The following ZFHX3 variants were observed in gnomAD, a reference collection of about 807,000 sequenced individuals.
ZFHX3 encodes the protein zinc finger homeobox 3.
A neutral mutation model predicts 279.1 loss-of-function variants in ZFHX3; 42 were observed. That is an observed-to-expected ratio of 0.15 (90% CI 0.12 to 0.19). The LOEUF (loss-of-function observed/expected upper bound fraction) is 0.19. Among genes scored for constraint, ZFHX3 ranks in the 10% least tolerant of loss-of-function variants. The pLI, the probability that ZFHX3 is intolerant of heterozygous loss-of-function variation, is 1.00. For missense variants in ZFHX3, 4,981 were observed against 4,754.0 expected (o/e 1.05, Z -1.40); for synonymous variants, 2,293 against 1,957.8 (o/e 1.17, Z -4.52).
At chr16:73,861,555 T>C (rs928294119) in intron 1 of ZFHX3, among the ~76,000 whole-genome samples, 1 of 152,184 alleles carries the variant, frequency 6.6e-6, no homozygotes, top group Non-Finnish European at 1.5e-5. Flanking sequence ...TTCTTGGCTC[T>C]GTTCACAATT....
intron 4 of ZFHX3, among the ~76,000 whole-genome samples, chr16:73,293,010 A>G (rs2014812894): frequency 6.6e-6 from 1 of 152,230 alleles, no homozygotes; most frequent in Admixed American, 6.5e-5. Flanking sequence ...TGGCCTCCAG[A>G]GAGAGCTTGT....
At chr16:73,718,477 A>C (rs1367102831) in intron 1 of ZFHX3, among the ~76,000 whole-genome samples, 1 of 152,202 alleles carries the variant, frequency 6.6e-6, no homozygotes, top group Non-Finnish European at 1.5e-5. Flanking sequence ...CCTGTTTGGC[A>C]GGGACATTTG....
At chr16:73,517,744 A>G (rs115163173) in intron 2 of ZFHX3, among the ~76,000 whole-genome samples, 1,985 of 152,310 alleles carry the variant, frequency 0.013, 44 homozygotes, top group African/African-American at 0.046. Context: ...TAAATTCCCA[A>G]TCACTTTAAT....
At chr16:73,008,483 A>G (rs528624247) in intron 1 of ZFHX3, among the ~76,000 whole-genome samples, 6 of 152,348 alleles carry the variant, frequency 3.9e-5, no homozygotes, top group South Asian at 2.1e-4. Flanking sequence ...AAAAGTGAAA[A>G]ATGACTCATA....
chr16:73,654,408 C>G (rs1340995820), intron 2 of ZFHX3, among the ~76,000 whole-genome samples: 1 of 151,990 alleles, frequency 6.6e-6, no homozygotes, highest in African/African-American at 2.4e-5. Flanking sequence ...CAAAACAATC[C>G]TATAAAAATT....
chr16:73,313,503 C>T (rs1050519353), intron 4 of ZFHX3, among the ~76,000 whole-genome samples: 1 of 152,184 alleles, frequency 6.6e-6, no homozygotes, highest in Non-Finnish European at 1.5e-5. Flanking sequence ...GGATGTCTCT[C>T]TTATTGTCCC....
chr16:73,395,575 G>A (rs6564156), intron 3 of ZFHX3, among the ~76,000 whole-genome samples: 98,712 of 151,622 alleles, frequency 0.65, 32,588 homozygotes, highest in Non-Finnish European at 0.72. Context: ...CCATTATCCT[G>A]TCCACAGCAT....
chr16:73,560,769 C>G (rs1567519089), intron 2 of ZFHX3, among the ~76,000 whole-genome samples: 1 of 152,198 alleles, frequency 6.6e-6, no homozygotes, highest in Non-Finnish European at 1.5e-5. Flanking sequence ...CAGCTGTGTT[C>G]TGGTTCAGAG....
In ZFHX3 at chr16:73,526,299, C is replaced by T. The variant is rs78740904; in HGVS notation, c.-1546-70041G>A. On this transcript the variant is annotated intron_variant, in intron 2 of 17. Coordinates refer to the ZFHX3 transcript ENST00000641206. ...TCGCTTGATTAACGAGTGACAGGCCCAATGAGGGCCAGTGCGCTCTAGCAA... is the reference window on the plus strand; with the variant it reads ...TCGCTTGATTAACGAGTGACAGGCCTAATGAGGGCCAGTGCGCTCTAGCAA... 4.5e-3 allele frequency among the ~76,000 whole-genome samples: 683 copies of T among 152,306 alleles called. 4 individuals are homozygous for T. Among genetic ancestry groups the T allele is most frequent in the African/African-American group, 0.015 (644 of 41,556 alleles).
At chr16:73,727,989 T>C (rs982566010) in intron 1 of ZFHX3, among the ~76,000 whole-genome samples, 1 of 147,978 alleles carries the variant, frequency 6.8e-6, no homozygotes, top group Admixed American at 6.8e-5. Context: ...ATTCAGCTCC[T>C]TGGTCCCTTT....
At chr16:72,837,165 T>C (rs140529417) in intron 4 of ZFHX3, among the ~76,000 whole-genome samples, 79 of 152,318 alleles carry the variant, frequency 5.2e-4, no homozygotes, top group African/African-American at 1.6e-3. Flanking sequence ...AGGGGCGCCA[T>C]TGCCTTCATC....
At chr16:73,046,499 C>T (rs893012097) in intron 1 of ZFHX3, among the ~76,000 whole-genome samples, 32 of 152,064 alleles carry the variant, frequency 2.1e-4, no homozygotes, top group Admixed American at 1.1e-3. Flanking sequence ...TTCAGGGTTT[C>T]CCTTGAAACC....
chr16:73,025,193 G>GA lies in ZFHX3; in HGVS notation c.-50+22558dup, dbSNP rs370215670. ...GAGAAGAAAATGTCATGTCAGCTATGAAAGTTAAACAGGAACGTTCCCCTC... is the reference window on the plus strand; with the variant it reads ...GAGAAGAAAATGTCATGTCAGCTATGAAAAGTTAAACAGGAACGTTCCCCTC... On this transcript the variant is annotated intron_variant, in intron 1 of 9. Transcript: ENST00000268489. Among the ~76,000 whole-genome samples, 422 of 152,266 alleles carry GA rather than the reference G, an allele frequency of 2.8e-3. 3 individuals carry two copies. Among genetic ancestry groups the GA allele is most frequent in the African/African-American group, 9.9e-3 (410 of 41,550 alleles).
At chr16:73,755,287 A>G (rs1437692387) in intron 1 of ZFHX3, among the ~76,000 whole-genome samples, 2 of 152,196 alleles carry the variant, frequency 1.3e-5, no homozygotes, top group Non-Finnish European at 2.9e-5. Context: ...TACGTTGGAT[A>G]TAACGACATA....
At chr16:73,610,516 G>T (rs908847162) in intron 2 of ZFHX3, among the ~76,000 whole-genome samples, 2 of 152,174 alleles carry the variant, frequency 1.3e-5, no homozygotes, top group Admixed American at 6.5e-5. Flanking sequence ...GCACTCCAAG[G>T]CACCTTTTTG....
chr16:73,359,658 G>C (rs1269654612), intron 3 of ZFHX3, among the ~76,000 whole-genome samples: 1 of 152,212 alleles, frequency 6.6e-6, no homozygotes, highest in Non-Finnish European at 1.5e-5. Flanking sequence ...TGCCGGACCA[G>C]CTGTGGCATG....
At position 72,950,830 on chromosome 16, in the gene ZFHX3, T is replaced by G. The variant is rs139936828; in HGVS notation, c.2855A>C (p.Lys952Thr). The G allele has an allele frequency of 6.2e-7, 1 of 1,614,184 alleles. No homozygotes were observed. The highest frequency in any genetic ancestry group is 1.3e-5 in the African/African-American group (1 of 75,046). ...CATGTCCAGGTTGTCCGTCGTGAAC[T>G]TGTTGCAGACGGCGCACTGGAAGAG... The part of the protein sequence containing the change: ...LKLFQCAVCN[K>T]FTTDNLDMLG... The change falls in exon 3 of 10, where the codon AAG becomes ACG. Residue 952 changes from lysine (K) to threonine (T), a missense_variant. By Grantham distance (78) the Lys-to-Thr change is moderately conservative. This residue lies in a region of ZFHX3 where 1,751 missense variants were observed against 1,770.0 expected (regional missense o/e 0.99). Transcript: ENST00000268489.
In ZFHX3 at chr16:72,795,735, G is replaced by C; in HGVS notation, c.6947C>G (p.Thr2316Arg). The C allele has an allele frequency of 6.2e-7, 1 of 1,614,116 alleles. No individual in the cohort carries two copies. Among genetic ancestry groups the C allele is most frequent in the Non-Finnish European group, 8.5e-7 (1 of 1,180,024 alleles). The change falls in exon 9 of 10, where the codon ACA becomes AGA. Residue 2316 changes from threonine (T) to arginine (R), a missense_variant. Thr to Arg is a moderately conservative substitution (Grantham distance 71). Around this residue, in one of 7 missense-constraint regions of ZFHX3, gnomAD observed 177 missense variants for 244.2 expected, o/e 0.72. Coordinates refer to ENST00000268489, the MANE Select transcript of ZFHX3 (RefSeq NM_006885.4). ...EGKDGERRELTNDRYIRTSNL... is the reference protein window; with the variant it reads ...EGKDGERRELRNDRYIRTSNL... Reference sequence around the variant, plus strand: ...GCTTGTTCGAATGTATCTATCATTTGTAAGCTCACGCCGCTCTCCATCTTT... The same window carrying C: ...GCTTGTTCGAATGTATCTATCATTTCTAAGCTCACGCCGCTCTCCATCTTT...
intron 3 of ZFHX3, among the ~76,000 whole-genome samples, chr16:72,927,223 T>C (rs573576153): frequency 7.9e-5 from 12 of 152,360 alleles, no homozygotes; most frequent in South Asian, 6.2e-4. Context: ...TTTTAAACAG[T>C]AGTAAAAAAT....
Sources: allele counts gnomAD v4.1 joint callset (sites outside exome capture counted in the v4.1 genomes callset), GRCh38; gene constraint gnomAD v4.1.1; regional missense constraint gnomAD v4.1.1; transcripts MANE v1.5; gene names NCBI Gene and HGNC (gene_info 2026-07-23, HGNC 2026-07-21).